DCAF8L2: variants seen among roughly 807,000 people sequenced by gnomAD.
DCAF8L2 encodes the protein DDB1 and CUL4 associated factor 8 like 2.
For synonymous variants in DCAF8L2, 200 were observed against 190.9 expected (o/e 1.05, Z -0.39); for missense variants, 430 against 490.7 (o/e 0.88, Z 1.17).
intron 2 of DCAF8L2, among the ~76,000 whole-genome samples, chrX:27,643,035 A>G (rs950238406): frequency 8.9e-6 from 1 of 112,093 alleles, no homozygotes; most frequent in East Asian, 2.8e-4. Flanking sequence ...GTTACATTTT[A>G]ACAGAATGGT....
At chrX:27,640,758 T>C (rs1480668900) in intron 2 of DCAF8L2, among the ~76,000 whole-genome samples, 1 of 111,360 alleles carries the variant, frequency 9.0e-6, no homozygotes, top group African/African-American at 3.3e-5. Flanking sequence ...TTTCAGTTAA[T>C]TTGTTTTTAT....
At chrX:27,590,535 A>G (rs1926022819) in intron 1 of DCAF8L2, 95 bp downstream of exon 1, 1 of 111,532 alleles carries the variant, frequency 9.0e-6, no homozygotes, top group Admixed American at 9.6e-5. Context: ...AACTGGATTC[A>G]TCCCTCTGTG....
chrX:27,542,544 T>C, the DCAF8L2 span, among the ~76,000 whole-genome samples: 1 of 77,002 alleles, frequency 1.3e-5, no homozygotes, highest in Non-Finnish European at 2.5e-5. Context: ...TTTTTTTTTT[T>C]TTTTTTTTTT....
chrX:27,595,735 C>T (rs1038730772), intron 1 of DCAF8L2, among the ~76,000 whole-genome samples: 1 of 112,079 alleles, frequency 8.9e-6, no homozygotes, highest in Non-Finnish European at 1.9e-5. Flanking sequence ...AGGCCGAGTG[C>T]GGTGGCTCAT....
chrX:27,489,997 C>T, the DCAF8L2 span, among the ~76,000 whole-genome samples: 1 of 111,639 alleles, frequency 9.0e-6, no homozygotes, highest in Non-Finnish European at 1.9e-5. Flanking sequence ...CCACCTCAGC[C>T]TCCTGAGTAG....
the DCAF8L2 span, among the ~76,000 whole-genome samples, chrX:27,521,811 G>A: frequency 2.1e-3 from 231 of 111,396 alleles, no homozygotes; most frequent in Non-Finnish European, 3.7e-3. Context: ...AACGAAAAAG[G>A]TATATATGTA....
chrX:27,731,655 T>C (rs1324011176), intron 4 of DCAF8L2, among the ~76,000 whole-genome samples: 3 of 111,034 alleles, frequency 2.7e-5, no homozygotes, highest in Admixed American at 1.9e-4. Flanking sequence ...AGCTCCAGCA[T>C]CCCATTAGGG....
intron 2 of DCAF8L2, among the ~76,000 whole-genome samples, chrX:27,652,394 G>A (rs1445782093): frequency 9.0e-6 from 1 of 111,433 alleles, no homozygotes; most frequent in Admixed American, 9.6e-5. Flanking sequence ...ACCGAACAGC[G>A]TCCCAGAAGT....
chrX:27,676,552 T>C (rs1285196260), intron 2 of DCAF8L2, among the ~76,000 whole-genome samples: 1 of 110,520 alleles, frequency 9.0e-6, no homozygotes, highest in Non-Finnish European at 1.9e-5. Flanking sequence ...AAGACATCCC[T>C]GGAGGAATAG....
rs1244707072 is a variant in DCAF8L2, at chrX:27,627,650, CT to C, written c.-341-4226del. On this transcript the variant is annotated intron_variant, in intron 1 of 4. Transcript: ENST00000451261. ...GTGTCTCATGCCTGTAATCTCAGCACTTTGGGAAGCTGAGCCAGGTGGATCA... is the reference window on the plus strand; with the variant it reads ...GTGTCTCATGCCTGTAATCTCAGCACTTGGGAAGCTGAGCCAGGTGGATCA... Among the ~76,000 whole-genome samples, 64 of 106,967 alleles carry C rather than the reference CT, an allele frequency of 6.0e-4. No homozygotes were observed. The Admixed American group carries it at 6.4e-3, about 11-fold the overall frequency. The allele number at this position is 106,967 out of a possible 115,157, so 92.9% of individuals were successfully genotyped here. A position where few individuals can be genotyped will look rare whatever the true frequency, so the allele number is the denominator to read the frequency against.
chrX:27,492,000 T>C, the DCAF8L2 span, among the ~76,000 whole-genome samples: 1 of 112,167 alleles, frequency 8.9e-6, no homozygotes, highest in Admixed American at 9.4e-5. Context: ...TGTGCAACCA[T>C]TGCCAAAATC....
At chrX:27,489,326 T>C in the DCAF8L2 span, among the ~76,000 whole-genome samples, 1 of 111,993 alleles carries the variant, frequency 8.9e-6, no homozygotes, top group Non-Finnish European at 1.9e-5. Context: ...CTCCATCTCC[T>C]GACCTCGTGA....
chrX:27,608,722 T>C (rs992289487), intron 1 of DCAF8L2, among the ~76,000 whole-genome samples: 15 of 110,346 alleles, frequency 1.4e-4, no homozygotes, highest in Non-Finnish European at 2.6e-4. Flanking sequence ...CTGTGATGTT[T>C]TGCAAATAAG....
the DCAF8L2 span, among the ~76,000 whole-genome samples, chrX:27,561,490 G>A: frequency 9.0e-6 from 1 of 111,401 alleles, no homozygotes; most frequent in South Asian, 3.8e-4. Flanking sequence ...TACATTCAGT[G>A]TTTTTTAGTA....
At chrX:27,714,251 T>C (rs1301700604) in intron 3 of DCAF8L2, among the ~76,000 whole-genome samples, 1 of 111,914 alleles carries the variant, frequency 8.9e-6, no homozygotes, top group African/African-American at 3.2e-5. Context: ...CAAATAACAC[T>C]AATTCTGCTT....
chrX:27,512,394 C>T, the DCAF8L2 span, among the ~76,000 whole-genome samples: 11 of 111,172 alleles, frequency 9.9e-5, no homozygotes, highest in Non-Finnish European at 1.9e-4. Flanking sequence ...TCAATGTAAT[C>T]GTTATCAAGA....
chrX:27,578,152 A>T, the DCAF8L2 span, among the ~76,000 whole-genome samples: 4 of 111,600 alleles, frequency 3.6e-5, no homozygotes, highest in East Asian at 1.1e-3. Context: ...ACTTCAAACT[A>T]TACTGCAAGG....
chrX:27,502,365 T>A, the DCAF8L2 span, among the ~76,000 whole-genome samples: 13 of 69,456 alleles, frequency 1.9e-4, no homozygotes, highest in Non-Finnish European at 3.0e-4. Context: ...TATATATATA[T>A]ATATATATAT....
chrX:27,748,657 A>G lies in DCAF8L2; in HGVS notation c.1762A>G (p.Thr588Ala), dbSNP rs1271024801. 1 of 1,198,034 alleles carries G rather than the reference A, an allele frequency of 8.3e-7. No homozygotes were observed. Among genetic ancestry groups the G allele is most frequent in the Non-Finnish European group, 1.1e-6 (1 of 887,625 alleles). ...YMLWFLLRHV[T>A]QRGRHQDWRS... The stretch of plus-strand genomic sequence containing the variant: ...GCTTTGGTTCCTCCTGCGTCACGTG[A>G]CGCAGAGAGGTCGTCACCAGGACTG... Residue 588 changes from threonine to alanine, a missense_variant, in exon 5 of 5, where the codon ACG becomes GCG. Physicochemically the swap from Thr to Ala is moderately conservative, Grantham distance 58 (BLOSUM62 0). Coordinates refer to ENST00000451261, the MANE Select transcript of DCAF8L2 (RefSeq NM_001353450.2).
Sources: gnomAD v4.1 joint callset for allele counts (sites outside exome capture counted in the v4.1 genomes callset) on GRCh38, gnomAD v4.1.1 for gene constraint, MANE v1.5 for transcripts, NCBI Gene and HGNC (gene_info 2026-07-23, HGNC 2026-07-21) for gene names.